Variants in ROBO2 observed in about 807,000 individuals in gnomAD.
ROBO2 encodes roundabout homolog 2.
ROBO2 carries 53 observed loss-of-function variants against 160.8 expected under a neutral mutation model. That is an observed-to-expected ratio of 0.33 (90% CI 0.26 to 0.41). The LOEUF (loss-of-function observed/expected upper bound fraction) is 0.41, where lower values mean the gene tolerates loss of function less well. Among genes scored for constraint, ROBO2 ranks in the 10% least tolerant of loss-of-function variants. The pLI is 1.00. For missense variants in ROBO2, 1,577 were observed against 1,722.4 expected, an observed-to-expected ratio of 0.92 and a Z score of 1.49; for synonymous variants, 664 against 611.7, an observed-to-expected ratio of 1.09 and a Z score of -1.26.
chr3:77,316,940 CTGTTCCGAAGCGCG>C, intron 2 of ROBO2: 1 of 1,291,900 alleles, frequency 7.7e-7, no homozygotes, highest in South Asian at 1.2e-5. Flanking sequence ...TACTTGGCTG[CTGTTCCGAAGCGCG>C]TGTTACTGTT....
intron 1 of ROBO2, among the ~76,000 whole-genome samples, chr3:77,067,169 G>A (rs1244474440): frequency 2.0e-5 from 3 of 152,030 alleles, no homozygotes; most frequent in Admixed American, 6.6e-5. Context: ...ATAAGTTGTA[G>A]TATTGGATTT....
chr3:77,597,905 G>A (rs1057210372), intron 19 of ROBO2, among the ~76,000 whole-genome samples: 6 of 152,220 alleles, frequency 3.9e-5, no homozygotes, highest in Non-Finnish European at 5.9e-5. Flanking sequence ...TTTAGACTTC[G>A]TTCAGAGGGT....
chr3:77,445,625 G>A (rs2080394871), intron 2 of ROBO2, among the ~76,000 whole-genome samples: 1 of 151,886 alleles, frequency 6.6e-6, no homozygotes, highest in Non-Finnish European at 1.5e-5. Flanking sequence ...ACAAAGTAAA[G>A]AAAATAAGTG....
chr3:77,009,681 TC>T (rs1004967338), intron 2 of ROBO2, among the ~76,000 whole-genome samples: 34 of 152,114 alleles, frequency 2.2e-4, no homozygotes, highest in African/African-American at 7.7e-4. Flanking sequence ...CACTCTTGGG[TC>T]CACAGTGGCT....
chr3:77,267,008 C>A (rs1220515300), intron 2 of ROBO2, among the ~76,000 whole-genome samples: 1 of 152,062 alleles, frequency 6.6e-6, no homozygotes, highest in African/African-American at 2.4e-5. Context: ...CGCTTTACTT[C>A]TTGTGGGTTA....
intron 2 of ROBO2, among the ~76,000 whole-genome samples, chr3:75,963,906 G>A (rs1012902151): frequency 1.4e-4 from 21 of 151,488 alleles, no homozygotes; most frequent in Non-Finnish European, 2.1e-4. Context: ...CATTTTTATC[G>A]GATTAGGACC....
intron 2 of ROBO2, among the ~76,000 whole-genome samples, chr3:77,168,388 A>T (rs2079301556): frequency 6.6e-6 from 1 of 152,188 alleles, no homozygotes; most frequent in African/African-American, 2.4e-5. Flanking sequence ...TCTGGCCTCC[A>T]TTGGTAGTAT....
chr3:76,071,579 A>G (rs955919607), intron 2 of ROBO2, among the ~76,000 whole-genome samples: 3 of 152,092 alleles, frequency 2.0e-5, no homozygotes, highest in Non-Finnish European at 4.4e-5. Flanking sequence ...GTTTTAGTAG[A>G]GACTGATGTT....
intron 2 of ROBO2, among the ~76,000 whole-genome samples, chr3:77,179,678 T>C (rs959423359): frequency 1.3e-5 from 2 of 152,178 alleles, no homozygotes; most frequent in African/African-American, 4.8e-5. Context: ...AAACCTTGAA[T>C]GTAACATATA....
At chr3:77,602,254 A>T (rs1170093281) in exon 20 of ROBO2, 1 of 1,614,200 alleles carries the variant, frequency 6.2e-7, no homozygotes, top group South Asian at 1.1e-5. Flanking sequence ...AACAGCAACG[A>T]TGCTCTCAGA....
intron 2 of ROBO2, among the ~76,000 whole-genome samples, chr3:76,094,603 T>C (rs903082976): frequency 3.9e-5 from 6 of 152,240 alleles, no homozygotes; most frequent in African/African-American, 1.4e-4. Flanking sequence ...AATTATGTTA[T>C]GATTGACTAT....
chr3:76,290,601 T>C (rs1056131024), intron 2 of ROBO2, among the ~76,000 whole-genome samples: 2 of 152,110 alleles, frequency 1.3e-5, no homozygotes, highest in African/African-American at 4.8e-5. Context: ...CTTTTTCCAG[T>C]TCTCAAGGCG....
chr3:75,942,814 G>A (rs1948116390), intron 2 of ROBO2, among the ~76,000 whole-genome samples: 1 of 152,098 alleles, frequency 6.6e-6, no homozygotes, highest in Non-Finnish European at 1.5e-5. Flanking sequence ...TGATTTCCTT[G>A]TCTTCAAAAT....
At position 77,393,011 on chromosome 3, in the gene ROBO2, TAA is replaced by T. The variant is rs555456818; in HGVS notation, c.389-84402_389-84401del. ...GAAGACTGTAATCACATTTTAAATT[TAA>T]GTTGAGCACCAGTCATTACTACATC... On this transcript the variant is annotated intron_variant, in intron 2 of 25. Coordinates refer to ENST00000461745, the Ensembl canonical transcript of ROBO2. Among the ~76,000 whole-genome samples the T allele has an allele frequency of 2.8e-3, 426 of 152,282 alleles. 1 individual carries two copies. Among genetic ancestry groups the T allele is most frequent in the African/African-American group, 9.8e-3 (407 of 41,560 alleles).
chr3:77,145,474 A>C (rs1169220568), intron 2 of ROBO2, among the ~76,000 whole-genome samples: 1 of 152,172 alleles, frequency 6.6e-6, no homozygotes, highest in Non-Finnish European at 1.5e-5. Flanking sequence ...ATGAAGTTCT[A>C]AATAGCTTTA....
intron 2 of ROBO2, among the ~76,000 whole-genome samples, chr3:76,949,982 C>A (rs564002802): frequency 6.6e-6 from 1 of 152,296 alleles, no homozygotes; most frequent in East Asian, 1.9e-4. Context: ...ATTAGCTGAA[C>A]CTATTCTCTT....
intron 2 of ROBO2, among the ~76,000 whole-genome samples, chr3:76,718,319 G>A (rs1312529096): frequency 6.6e-6 from 1 of 152,164 alleles, no homozygotes; most frequent in Non-Finnish European, 1.5e-5. Flanking sequence ...TGCTAGCACA[G>A]ATAATAAACC....
intron 2 of ROBO2, among the ~76,000 whole-genome samples, chr3:76,837,708 A>G (rs534057554): frequency 1.3e-5 from 2 of 151,988 alleles, no homozygotes; most frequent in South Asian, 2.1e-4. Context: ...CCCCTACTCT[A>G]AATAATTCAA....
chr3:76,596,679 G>A (rs1425579313), intron 2 of ROBO2, among the ~76,000 whole-genome samples: 1 of 152,030 alleles, frequency 6.6e-6, no homozygotes, highest in Non-Finnish European at 1.5e-5. Context: ...TATCACATTC[G>A]GCCTTTAATT....
Sources: gnomAD v4.1 joint callset for allele counts (sites outside exome capture counted in the v4.1 genomes callset) on GRCh38, gnomAD v4.1.1 for gene constraint, MANE v1.5 for transcripts, NCBI Gene and HGNC (gene_info 2026-07-23, HGNC 2026-07-21) for gene names.